The following LRRIQ1 variants were observed in gnomAD, a reference collection of about 807,000 sequenced individuals.
LRRIQ1 encodes the protein leucine-rich repeat- and IQ domain-containing protein 1.
LRRIQ1 carries 210 observed loss-of-function variants against 211.9 expected under a neutral mutation model. That is an observed-to-expected ratio of 0.99 (90% CI 0.89 to 1.11). LRRIQ1 has a LOEUF of 1.11. LRRIQ1 is among the 50% of genes most tolerant of loss of function. The pLI is 0.00. For synonymous variants in LRRIQ1, 699 were observed against 650.1 expected (o/e 1.08, Z -1.14); for missense variants, 2,136 against 1,939.5 (o/e 1.10, Z -1.90).
intron 26 of LRRIQ1, among the ~76,000 whole-genome samples, chr12:85,238,119 C>T (rs946631163): frequency 7.3e-5 from 11 of 151,060 alleles, no homozygotes; most frequent in African/African-American, 2.7e-4. Flanking sequence ...AACTATTTCA[C>T]CTTAATTGAA....
At chr12:85,258,185 T>A (rs914501839) in intron 1 of LRRIQ1, among the ~76,000 whole-genome samples, 18 of 151,976 alleles carry the variant, frequency 1.2e-4, no homozygotes, top group East Asian at 3.9e-4. Context: ...TGTTTTTTTT[T>A]AAAACATTTT....
intron 11 of LRRIQ1, among the ~76,000 whole-genome samples, chr12:85,080,945 ATTATTATTTTCC>A (rs993056607): frequency 6.6e-6 from 1 of 152,006 alleles, no homozygotes; most frequent in African/African-American, 2.4e-5. Context: ...AGGCTAGTAT[ATTATTATTTTCC>A]TCTAGAGGTC....
intron 18 of LRRIQ1, among the ~76,000 whole-genome samples, chr12:85,135,512 CA>C (rs79962163): frequency 8.6e-5 from 13 of 150,934 alleles, no homozygotes; most frequent in East Asian, 7.8e-4. Flanking sequence ...TGTAAAAATA[CA>C]AAAAAAATAC....
intron 13 of LRRIQ1, among the ~76,000 whole-genome samples, chr12:85,101,960 G>GA (rs1028080715): frequency 6.6e-6 from 1 of 151,120 alleles, no homozygotes; most frequent in Non-Finnish European, 1.5e-5. Flanking sequence ...TCTGAAAAAA[G>GA]AAAAAAAGTT....
chr12:85,211,116 C>T (rs924876920), intron 24 of LRRIQ1, among the ~76,000 whole-genome samples: 2 of 152,126 alleles, frequency 1.3e-5, no homozygotes, highest in African/African-American at 4.8e-5. Flanking sequence ...AGTCTTGCTT[C>T]TTTTTCAGCA....
At chr12:85,132,687 G>A (rs190016905) in intron 18 of LRRIQ1, among the ~76,000 whole-genome samples, 4 of 151,928 alleles carry the variant, frequency 2.6e-5, no homozygotes, top group East Asian at 1.9e-4. Context: ...TCTTGAGCCC[G>A]GATGGTCAAG....
At chr12:85,137,037 C>A (rs944733442) in intron 18 of LRRIQ1, among the ~76,000 whole-genome samples, 1 of 151,360 alleles carries the variant, frequency 6.6e-6, no homozygotes, top group Non-Finnish European at 1.5e-5. Flanking sequence ...TGTTTTATGC[C>A]TTTATAGGTA....
At chr12:85,116,204 G>GCGAT (rs1480693178) in intron 15 of LRRIQ1, among the ~76,000 whole-genome samples, 42 of 152,098 alleles carry the variant, frequency 2.8e-4, no homozygotes, top group Non-Finnish European at 7.4e-5. Flanking sequence ...GTGCAGTGGC[G>GCGAT]CGATCTCGGC....
intron 24 of LRRIQ1, among the ~76,000 whole-genome samples, chr12:85,181,798 A>C (rs903171371): frequency 1.3e-5 from 2 of 151,996 alleles, no homozygotes; most frequent in Admixed American, 6.6e-5. Flanking sequence ...CCATCTGATG[A>C]AATGAGTACT....
chr12:85,102,987 T>C (rs1886501066), intron 13 of LRRIQ1, among the ~76,000 whole-genome samples: 1 of 142,434 alleles, frequency 7.0e-6, no homozygotes, highest in Non-Finnish European at 1.5e-5. Context: ...TATATATATA[T>C]TTTACTAAGG....
intron 13 of LRRIQ1, among the ~76,000 whole-genome samples, chr12:85,103,102 A>G (rs577584988): frequency 1.3e-5 from 2 of 149,978 alleles, no homozygotes; most frequent in South Asian, 4.2e-4. Flanking sequence ...GACTTGTCCT[A>G]GTTGGAAATG....
At chr12:85,073,228 C>G (rs1014271767) in intron 11 of LRRIQ1, 130 bp downstream of exon 11, 16 of 569,692 alleles carry the variant, frequency 2.8e-5, no homozygotes, top group South Asian at 1.2e-4. Flanking sequence ...TAGCTGTTTT[C>G]ACAAAATAAG....
chr12:85,143,932 A>G (rs1352874331), intron 19 of LRRIQ1, among the ~76,000 whole-genome samples: 1 of 151,606 alleles, frequency 6.6e-6, no homozygotes, highest in Non-Finnish European at 1.5e-5. Flanking sequence ...TTTAAATTTT[A>G]GTTTCAGGGG....
chr12:85,126,203 C>A (rs769106404), intron 17 of LRRIQ1, among the ~76,000 whole-genome samples: 14 of 151,924 alleles, frequency 9.2e-5, no homozygotes, highest in Admixed American at 8.5e-4. Context: ...GAAGAAAATA[C>A]CCCTCATCTA....
chr12:85,191,516 T>C (rs890534529), intron 24 of LRRIQ1, among the ~76,000 whole-genome samples: 2 of 152,024 alleles, frequency 1.3e-5, no homozygotes, highest in East Asian at 3.8e-4. Context: ...TTTTTAGTGC[T>C]GAATAATGTT....
chr12:85,245,680 C>A (rs1895684892), downstream of LRRIQ1, among the ~76,000 whole-genome samples: 2 of 150,716 alleles, frequency 1.3e-5, no homozygotes, highest in African/African-American at 4.8e-5. Flanking sequence ...CCTTATTTAA[C>A]CCTAGAGAGT....
At chr12:85,096,666 A>G (rs1885904170) in intron 11 of LRRIQ1, among the ~76,000 whole-genome samples, 1 of 152,152 alleles carries the variant, frequency 6.6e-6, no homozygotes, top group Non-Finnish European at 1.5e-5. Flanking sequence ...GTAGACACCT[A>G]TTAGTTCCAG....
At chr12:85,051,204 T>C (rs937643673) in intron 6 of LRRIQ1, among the ~76,000 whole-genome samples, 1 of 152,088 alleles carries the variant, frequency 6.6e-6, no homozygotes, top group African/African-American at 2.4e-5. Context: ...TCGCTCCCTC[T>C]CTTGCCATGT....
Position 85,185,103 on chromosome 12 carries a change from C to T in LRRIQ1, c.4822+24389C>T, listed in dbSNP as rs572577701. On this transcript the variant is annotated intron_variant, in intron 24 of 26. Coordinates refer to ENST00000393217, the MANE Select transcript of LRRIQ1 (RefSeq NM_001079910.2). ...TAGGGTTGATTAAACAGTGAGAAAG[C>T]GTTATCTCAGATACTGTTTTAGAAT... Among the ~76,000 whole-genome samples the T allele has an allele frequency of 3.4e-3, 520 of 151,962 alleles. 4 individuals carry two copies. Among genetic ancestry groups the T allele is most frequent in the African/African-American group, 0.012 (484 of 41,526 alleles).
Sources: allele counts gnomAD v4.1 joint callset (sites outside exome capture counted in the v4.1 genomes callset), GRCh38; gene constraint gnomAD v4.1.1; transcripts MANE v1.5; gene names NCBI Gene and HGNC (gene_info 2026-07-23, HGNC 2026-07-21).